Variants in MRPL39 observed in about 807,000 individuals in gnomAD.
MRPL39 encodes the protein large ribosomal subunit protein mL39.
A neutral mutation model predicts 44.5 loss-of-function variants in MRPL39; 35 were observed. The ratio of observed to expected loss-of-function variants is 0.79; its 90% CI spans 0.60 to 1.04. The LOEUF (loss-of-function observed/expected upper bound fraction) is 1.04. Ranked by LOEUF, MRPL39 falls within the 50% of genes least tolerant of loss-of-function variation. The pLI is 0.00. For missense variants in MRPL39, 433 were observed against 413.5 expected (o/e 1.05, Z -0.41); for synonymous variants, 139 against 136.1 (o/e 1.02, Z -0.15).
At chr21:25,587,602 GA>G in intron 9 of MRPL39, 1 of 1,020,662 alleles carries the variant, frequency 9.8e-7, no homozygotes, top group Non-Finnish European at 1.5e-6. Context: ...TTAACAGACA[GA>G]AAATAAATGT....
intron 2 of MRPL39, among the ~76,000 whole-genome samples, chr21:25,605,549 C>T (rs1204030227): frequency 6.6e-6 from 1 of 152,130 alleles, no homozygotes; most frequent in African/African-American, 2.4e-5. Context: ...AAAAGCTGAT[C>T]ATCTGAGGCC....
At chr21:25,597,886 C>CCTTTGTATTGGACA (rs2031407565) in intron 5 of MRPL39, among the ~76,000 whole-genome samples, 2 of 152,056 alleles carry the variant, frequency 1.3e-5, no homozygotes, top group Non-Finnish European at 1.5e-5. Context: ...ATCACCCACC[C>CCTTTGTATTGGACA]TGTGCAAAGT....
chr21:25,592,376 A>G (rs539684415), intron 8 of MRPL39, among the ~76,000 whole-genome samples: 16 of 152,210 alleles, frequency 1.1e-4, no homozygotes, highest in African/African-American at 3.6e-4. Context: ...TTATAACCCA[A>G]TTATCTCAAA....
intron 6 of MRPL39, among the ~76,000 whole-genome samples, chr21:25,596,547 T>C (rs79191680): frequency 0.02 from 157 of 7,702 alleles, no homozygotes; most frequent in Non-Finnish European, 0.057. Context: ...AACACACTCA[T>C]AACCCAATAT....
At chr21:25,599,357 T>C (rs1210692004) in intron 5 of MRPL39, among the ~76,000 whole-genome samples, 2 of 152,208 alleles carry the variant, frequency 1.3e-5, no homozygotes, top group Non-Finnish European at 2.9e-5. Context: ...ATGCAACAAG[T>C]TAAAATGGTT....
Position 25,588,751 on chromosome 21 carries a change from A to AT in MRPL39, c.969+83dup, listed in dbSNP as rs145112563. On this transcript the variant is annotated intron_variant, in intron 9 of 9. Transcript: ENST00000352957. ...TTTTTCCTTTCTCTTTGTTTCTTTC[A>AT]TTTTTCCCCCCTTTGGTTGTTATTG... 942 of 1,273,652 alleles carry AT rather than the reference A, an allele frequency of 7.4e-4. 4 individuals are homozygous for AT. In the African/African-American group the frequency reaches 0.013, roughly 18 times the overall value. 78.9% of individuals were successfully genotyped at this position (1,273,652 alleles called of 1,614,324 possible). A position where few individuals can be genotyped will look rare whatever the true frequency, so the allele number is the denominator to read the frequency against.
At chr21:25,599,905 G>T (rs1479991510) in intron 4 of MRPL39, 39 bp from the exon 5 acceptor site, 2 of 1,503,896 alleles carry the variant, frequency 1.3e-6, no homozygotes, top group Admixed American at 1.7e-5. Flanking sequence ...AGTCAAATCT[G>T]CCCCAACAGA....
chr21:25,607,304 T>C, intron 1 of MRPL39, 99 bp downstream of exon 1: 3 of 1,340,900 alleles, frequency 2.2e-6, no homozygotes, highest in Middle Eastern at 1.8e-4. Flanking sequence ...TCCTCCTTCC[T>C]CTGCCCCGCG....
At chr21:25,604,066 TA>T (rs2031597978) in intron 2 of MRPL39, 131 bp from the exon 3 acceptor site, 2 of 843,462 alleles carry the variant, frequency 2.4e-6, no homozygotes, top group Non-Finnish European at 3.6e-6. Flanking sequence ...AGAAAAAAAG[TA>T]TATTACGTCT....
chr21:25,594,594 T>A (rs1362991361), intron 6 of MRPL39, among the ~76,000 whole-genome samples: 1 of 152,128 alleles, frequency 6.6e-6, no homozygotes, highest in Non-Finnish European at 1.5e-5. Flanking sequence ...TACTGCTTGT[T>A]ATTTTACATC....
Position 25,606,497 on chromosome 21 carries a change from C to T in MRPL39, c.232G>A (p.Val78Ile). ...GAAATGTTTTTATTCATCACGAAGA[C>T]AGTACCGGGGTCAGTTTTCCCAACA... Reference protein sequence around the residue: ...KHVGKTDPGTVFVMNKNISTP... With the variant: ...KHVGKTDPGTIFVMNKNISTP... Residue 78 changes from valine (V) to isoleucine (I), a missense_variant, in exon 2 of 10, where the codon GTC becomes ATC. Transcript: ENST00000352957. The T allele has an allele frequency of 6.2e-7, 1 of 1,613,526 alleles. No individual in the cohort carries two copies. Among genetic ancestry groups the T allele is most frequent in the Non-Finnish European group, 8.5e-7 (1 of 1,179,800 alleles).
chr21:25,594,345 G>C (rs542354027), intron 6 of MRPL39, among the ~76,000 whole-genome samples: 263 of 148,838 alleles, frequency 1.8e-3, no homozygotes, highest in Non-Finnish European at 2.9e-3. Context: ...CTCAAACTTC[G>C]GGCTCAAGCG....
In MRPL39 at chr21:25,597,395, G is replaced by C; in HGVS notation, c.608C>G (p.Thr203Arg). ...ATAAATTAAAGCATGAGCATCTTTT[G>C]TGAAGGAACGTAAGTTCTCCTTAAA... is the stretch of plus-strand genomic sequence containing the variant. ...MPTKENLRSF[T>R]KDAHALIYKD... is the part of the protein sequence containing the mutation. Residue 203 changes from threonine to arginine, a missense_variant, in exon 6 of 10, where the codon ACA becomes AGA. By Grantham distance (71) the Thr-to-Arg change is moderately conservative. Transcript: ENST00000352957. 6.4e-7 allele frequency: 1 copy of C among 1,567,364 alleles called. No homozygotes were observed. The highest frequency in any genetic ancestry group is 8.7e-7 in the Non-Finnish European group (1 of 1,144,012).
intron 6 of MRPL39, among the ~76,000 whole-genome samples, chr21:25,594,427 G>T (rs1056840183): frequency 2.0e-5 from 3 of 150,780 alleles, no homozygotes; most frequent in African/African-American, 7.3e-5. Flanking sequence ...AACTTTTTTT[G>T]GTAAAGATAG....
intron 2 of MRPL39, 29 bp downstream of exon 2, chr21:25,606,420 C>A: frequency 1.3e-6 from 2 of 1,543,962 alleles, no homozygotes; most frequent in South Asian, 2.5e-5. Flanking sequence ...GTAAAAGGGT[C>A]AAAACTGTAA....
chr21:25,596,660 C>T (rs1278977816), intron 6 of MRPL39, among the ~76,000 whole-genome samples: 1 of 103,400 alleles, frequency 9.7e-6, no homozygotes, highest in Non-Finnish European at 2.0e-5. Context: ...CATATTTTGG[C>T]TTCAGACTCT....
At chr21:25,588,469 TA>T (rs1399733932) in intron 9 of MRPL39, among the ~76,000 whole-genome samples, 1 of 152,218 alleles carries the variant, frequency 6.6e-6, no homozygotes, top group Admixed American at 6.5e-5. Context: ...GGCTTTAAAA[TA>T]CACCTGACAA....
intron 9 of MRPL39, 45 bp from the exon 10 acceptor site, chr21:25,585,799 GT>G: frequency 7.3e-7 from 1 of 1,364,146 alleles, no homozygotes; most frequent in Non-Finnish European, 1.0e-6. Context: ...AACACTTTCA[GT>G]TTTACCCTTC....
At position 25,603,938 on chromosome 21, in the gene MRPL39, A is replaced by G. The variant is rs7278164; in HGVS notation, c.281-3T>C. The G allele has an allele frequency of 0.69, 1,113,111 of 1,603,018 alleles. 401,289 individuals are homozygous for G. Among genetic ancestry groups the G allele is most frequent in the Non-Finnish European group, 0.75 (884,067 of 1,176,480 alleles). On this transcript the variant is annotated splice_polypyrimidine_tract_variant and splice_region_variant and intron_variant, in intron 2 of 9. Transcript: ENST00000352957. Reference sequence around the variant, plus strand: ...CCTGCAATACCACTCGCTTAAATCTAGAAATTTAAAACAGACTGATTATCT... The same window carrying G: ...CCTGCAATACCACTCGCTTAAATCTGGAAATTTAAAACAGACTGATTATCT...
Sources: gnomAD v4.1 joint callset for allele counts (sites outside exome capture counted in the v4.1 genomes callset) on GRCh38, gnomAD v4.1.1 for gene constraint, MANE v1.5 for transcripts, NCBI Gene and HGNC (gene_info 2026-07-23, HGNC 2026-07-21) for gene names.